The following KALRN variants were observed in gnomAD, a reference collection of about 807,000 sequenced individuals.
KALRN encodes kalirin.
In KALRN, 70 loss-of-function variants were observed where a neutral mutation model predicts 353.7. The observed-to-expected ratio is 0.20, with a 90% CI of 0.16 to 0.24. The LOEUF (loss-of-function observed/expected upper bound fraction) is 0.24, where lower values mean the gene tolerates loss of function less well. KALRN is among the 10% of genes least tolerant of loss of function. The probability of loss-of-function intolerance (pLI) is 1.00; values close to 1 mark genes in which losing one functional copy is unlikely to be tolerated. For synonymous variants in KALRN, 1,391 were observed against 1,434.8 expected (o/e 0.97, Z 0.69); for missense variants, 2,791 against 3,756.7 (o/e 0.74, Z 6.72).
At chr3:124,573,761 C>T (rs186999604) in intron 34 of KALRN, among the ~76,000 whole-genome samples, 7 of 152,338 alleles carry the variant, frequency 4.6e-5, no homozygotes, top group African/African-American at 1.7e-4. Flanking sequence ...TTTCTACAGT[C>T]CACCAACAGC....
intron 1 of KALRN, among the ~76,000 whole-genome samples, chr3:124,087,845 T>C (rs1332798355): frequency 6.6e-6 from 1 of 152,198 alleles, no homozygotes; most frequent in Admixed American, 6.5e-5. Context: ...TTGTATCTAT[T>C]ATTGACTCCA....
intron 34 of KALRN, among the ~76,000 whole-genome samples, chr3:124,565,004 C>G (rs950426930): frequency 6.6e-6 from 1 of 152,238 alleles, no homozygotes; most frequent in Non-Finnish European, 1.5e-5. Context: ...GGACGAGGGT[C>G]AGCATGGAGA....
chr3:124,603,683 T>A (rs2077037923), intron 34 of KALRN, among the ~76,000 whole-genome samples: 1 of 152,130 alleles, frequency 6.6e-6, no homozygotes, highest in Non-Finnish European at 1.5e-5. Flanking sequence ...AGCATGGATA[T>A]TAAAAATGTG....
At chr3:124,180,244 G>T (rs867265282) in intron 1 of KALRN, among the ~76,000 whole-genome samples, 1 of 152,302 alleles carries the variant, frequency 6.6e-6, no homozygotes, top group East Asian at 1.9e-4. Flanking sequence ...CGAGTGCCTG[G>T]TTTTTCTCTT....
intron 34 of KALRN, among the ~76,000 whole-genome samples, chr3:124,626,884 CA>C (rs1172866720): frequency 2.0e-5 from 3 of 152,184 alleles, no homozygotes; most frequent in Non-Finnish European, 2.9e-5. Flanking sequence ...TTGCCTTTGC[CA>C]GTCACTATGA....
intron 57 of KALRN, among the ~76,000 whole-genome samples, chr3:124,705,166 C>G (rs1304192297): frequency 6.6e-6 from 1 of 152,148 alleles, no homozygotes; most frequent in Non-Finnish European, 1.5e-5. Flanking sequence ...TGCCTATACC[C>G]ATTGCTATAT....
At chr3:124,619,779 G>A (rs555702196) in intron 34 of KALRN, among the ~76,000 whole-genome samples, 11 of 151,888 alleles carry the variant, frequency 7.2e-5, no homozygotes, top group Admixed American at 3.3e-4. Flanking sequence ...GAGCCACTGC[G>A]CCCAGCCTGA....
chr3:124,214,432 A>G (rs997799935), intron 1 of KALRN, among the ~76,000 whole-genome samples: 1 of 152,148 alleles, frequency 6.6e-6, no homozygotes, highest in Non-Finnish European at 1.5e-5. Context: ...AATTATTCTA[A>G]TCTTAGCATA....
chr3:124,372,693 G>T (rs551212736), intron 10 of KALRN, among the ~76,000 whole-genome samples: 4 of 151,742 alleles, frequency 2.6e-5, no homozygotes, highest in Non-Finnish European at 2.9e-5. Context: ...ACTCTATCAC[G>T]TGTTATCACA....
At chr3:124,240,016 C>T (rs2080245925) in intron 3 of KALRN, among the ~76,000 whole-genome samples, 1 of 152,138 alleles carries the variant, frequency 6.6e-6, no homozygotes, top group East Asian at 1.9e-4. Context: ...ATTTCTTTAT[C>T]CATTTTGAAT....
chr3:124,187,641 GTA>G (rs1396304003), intron 1 of KALRN, among the ~76,000 whole-genome samples: 1 of 152,186 alleles, frequency 6.6e-6, no homozygotes, highest in Non-Finnish European at 1.5e-5. Flanking sequence ...GTTTCTGAAA[GTA>G]TCTTTAGCAA....
intron 11 of KALRN, among the ~76,000 whole-genome samples, chr3:124,394,020 T>C (rs954710117): frequency 6.6e-5 from 10 of 152,258 alleles, no homozygotes; most frequent in Non-Finnish European, 1.5e-4. Flanking sequence ...CATTTACCTA[T>C]GTTTTTAACA....
chr3:124,123,781 C>A (rs1291297520), intron 1 of KALRN, among the ~76,000 whole-genome samples: 4 of 152,166 alleles, frequency 2.6e-5, no homozygotes, highest in African/African-American at 9.7e-5. Context: ...ATTTACCATT[C>A]CCCCAAATCC....
chr3:124,478,546 A>G (rs934550977), intron 27 of KALRN, among the ~76,000 whole-genome samples: 2 of 152,186 alleles, frequency 1.3e-5, no homozygotes, highest in East Asian at 1.9e-4. Flanking sequence ...GAGCATTAAT[A>G]TGGAAATGGC....
At chr3:124,310,000 C>T (rs929795831) in intron 6 of KALRN, among the ~76,000 whole-genome samples, 1 of 152,038 alleles carries the variant, frequency 6.6e-6, no homozygotes, top group Non-Finnish European at 1.5e-5. Flanking sequence ...ATGACACAAG[C>T]ATGTATATGA....
intron 1 of KALRN, among the ~76,000 whole-genome samples, chr3:124,054,327 A>C (rs1393073255): frequency 1.1e-5 from 1 of 94,264 alleles, no homozygotes; most frequent in Non-Finnish European, 2.5e-5. Context: ...GTTCAAGACC[A>C]ACATGGGCAA....
intron 1 of KALRN, among the ~76,000 whole-genome samples, chr3:124,105,618 G>A (rs2062232409): frequency 6.6e-6 from 1 of 152,184 alleles, no homozygotes; most frequent in Non-Finnish European, 1.5e-5. Flanking sequence ...TGTGCGTGGA[G>A]AGGAGGCAAT....
rs566254234 is a variant in KALRN, at chr3:124,475,714, C to A, written c.4101+982C>A. Among the ~76,000 whole-genome samples, 8 of 152,294 alleles carry A rather than the reference C, an allele frequency of 5.3e-5. No individual in the cohort carries two copies. In the East Asian group the frequency reaches 1.5e-3, roughly 29 times the overall value. ...ATAAGATAGGAGGTTGACTAGTTCACTGACATGTAATAAATATCACAGCCA... is the reference window on the plus strand; with the variant it reads ...ATAAGATAGGAGGTTGACTAGTTCAATGACATGTAATAAATATCACAGCCA... On this transcript the variant is annotated intron_variant, in intron 26 of 59. Coordinates refer to ENST00000682506, the MANE Select transcript of KALRN (RefSeq NM_001388419.1).
chr3:124,398,412 A>G (rs1357928796), intron 12 of KALRN, among the ~76,000 whole-genome samples: 2 of 152,284 alleles, frequency 1.3e-5, no homozygotes, highest in African/African-American at 4.8e-5. Context: ...GTCCTTTCTC[A>G]TGCATTATTT....
Sources: allele counts gnomAD v4.1 joint callset (sites outside exome capture counted in the v4.1 genomes callset), GRCh38; gene constraint gnomAD v4.1.1; transcripts MANE v1.5; gene names NCBI Gene and HGNC (gene_info 2026-07-23, HGNC 2026-07-21).